Variants in VSX2 observed in about 807,000 individuals in gnomAD.
VSX2 encodes the protein ceh-10 homeo domain containing homolog.
Under a neutral mutation model 32.1 loss-of-function variants are expected in VSX2, and 28 were observed. The observed-to-expected ratio is 0.87, with a 90% CI of 0.65 to 1.20. VSX2 has a LOEUF of 1.20. VSX2 is among the 50% of genes most tolerant of loss of function. The pLI, the probability that VSX2 is intolerant of heterozygous loss-of-function variation, is 0.00. For missense variants in VSX2, 506 were observed against 488.7 expected, an observed-to-expected ratio of 1.04 and a Z score of -0.33; for synonymous variants, 243 against 214.1, an observed-to-expected ratio of 1.14 and a Z score of -1.18.
In VSX2 at chr14:74,239,537, C is replaced by T; in HGVS notation, c.-25C>T. The T allele has an allele frequency of 6.4e-7, 1 of 1,550,574 alleles. No individual in the cohort carries two copies. The highest frequency in any genetic ancestry group is 8.7e-7 in the Non-Finnish European group (1 of 1,146,936). ...GTGGGGGGAGCTAAAGACCTGCGGC[C>T]TCAGCCCCTCCAAAGAACAGGGAGA... On this transcript the variant is annotated 5_prime_UTR_variant, in exon 1 of 5. Transcript: ENST00000261980.
At chr14:74,252,925 T>C (rs1334331473) in intron 3 of VSX2, among the ~76,000 whole-genome samples, 2 of 151,390 alleles carry the variant, frequency 1.3e-5, no homozygotes, top group East Asian at 3.9e-4. Context: ...GGCGGGTGCC[T>C]GTAATCCCAG....
Position 74,248,747 on chromosome 14 carries a change from G to T in VSX2, c.579+3459G>T, listed in dbSNP as rs972979599. On this transcript the variant is annotated intron_variant, in intron 3 of 4. Transcript: ENST00000261980. ...AGAAATTATCAAGTTGGAATGGAAAGGTTATTGAACTGGAGATCAGGAACC... is the reference window on the plus strand; with the variant it reads ...AGAAATTATCAAGTTGGAATGGAAATGTTATTGAACTGGAGATCAGGAACC... Among the ~76,000 whole-genome samples, 3 of 151,660 alleles carry T rather than the reference G, an allele frequency of 2.0e-5. No homozygotes were observed. In the South Asian group the frequency reaches 6.3e-4, roughly 32 times the overall value.
At chr14:74,240,152 A>G (rs1340368330) in intron 1 of VSX2, among the ~76,000 whole-genome samples, 1 of 152,130 alleles carries the variant, frequency 6.6e-6, no homozygotes, top group Non-Finnish European at 1.5e-5. Flanking sequence ...GCGGCCGCGC[A>G]GTTCTCCAGT....
Position 74,260,174 on chromosome 14 carries a change from A to T in VSX2, c.760+392A>T, listed in dbSNP as rs576111195. 1.3e-4 allele frequency among the ~76,000 whole-genome samples: 20 copies of T among 152,306 alleles called. No homozygotes were observed. In the East Asian group the frequency reaches 3.9e-3, roughly 29 times the overall value. Reference sequence around the variant, plus strand: ...GGTCCCTCTGGCTGCCATTCTGCTTAGCCCAAAGGACTTCTGTCCCCCAAA... The same window carrying T: ...GGTCCCTCTGGCTGCCATTCTGCTTTGCCCAAAGGACTTCTGTCCCCCAAA... On this transcript the variant is annotated intron_variant, in intron 4 of 4. Coordinates refer to ENST00000261980, the MANE Select transcript of VSX2 (RefSeq NM_182894.3).
At chr14:74,240,245 CAG>C (rs2079140395) in intron 1 of VSX2, among the ~76,000 whole-genome samples, 1 of 152,168 alleles carries the variant, frequency 6.6e-6, no homozygotes, top group African/African-American at 2.4e-5. Context: ...GCCCGTGGTG[CAG>C]AGTCGCCGGC....
chr14:74,241,504 T>A (rs2079150179), intron 2 of VSX2, among the ~76,000 whole-genome samples: 1 of 152,200 alleles, frequency 6.6e-6, no homozygotes, highest in Non-Finnish European at 1.5e-5. Flanking sequence ...TTCTCCTCCT[T>A]GTTCAGGAGA....
At chr14:74,240,824 C>T (rs544416968) in intron 1 of VSX2, among the ~76,000 whole-genome samples, 20 of 152,280 alleles carry the variant, frequency 1.3e-4, no homozygotes, top group Admixed American at 8.5e-4. Context: ...ACTTTCCGGC[C>T]CGGGGCATTG....
chr14:74,240,908 C>A (rs916526566), intron 1 of VSX2, among the ~76,000 whole-genome samples: 4 of 152,182 alleles, frequency 2.6e-5, no homozygotes, highest in African/African-American at 9.6e-5. Context: ...CCTAAGGCTG[C>A]CTCGCTCTCC....
intron 3 of VSX2, among the ~76,000 whole-genome samples, chr14:74,248,334 TAAA>T (rs781035795): frequency 2.4e-5 from 2 of 84,752 alleles, no homozygotes; most frequent in African/African-American, 4.7e-5. Flanking sequence ...GAGACCAGGC[TAAA>T]AAAAAAAAAA....
chr14:74,248,505 A>G (rs1185696920), intron 3 of VSX2, among the ~76,000 whole-genome samples: 1 of 151,800 alleles, frequency 6.6e-6, no homozygotes, highest in African/African-American at 2.4e-5. Flanking sequence ...TGGACAACAT[A>G]GTGAAATCCC....
intron 2 of VSX2, among the ~76,000 whole-genome samples, chr14:74,242,287 T>G (rs892533177): frequency 2.0e-5 from 3 of 152,122 alleles, no homozygotes; most frequent in Admixed American, 6.5e-5. Context: ...TTCAAGACAT[T>G]TCTCCACTAG....
At chr14:74,244,268 G>C (rs1216585526) in intron 2 of VSX2, among the ~76,000 whole-genome samples, 1 of 152,154 alleles carries the variant, frequency 6.6e-6, no homozygotes, top group Non-Finnish European at 1.5e-5. Flanking sequence ...GTTGGGGGTG[G>C]GGAACTGTGC....
intron 2 of VSX2, among the ~76,000 whole-genome samples, chr14:74,241,928 C>T (rs1213525572): frequency 6.6e-6 from 1 of 152,152 alleles, no homozygotes; most frequent in Non-Finnish European, 1.5e-5. Context: ...CATCGGGGTA[C>T]AGACTAGAAA....
chr14:74,239,866 G>A lies in VSX2; in HGVS notation c.305G>A (p.Ser102Asn), dbSNP rs774818847. 6.3e-7 allele frequency: 1 copy of A among 1,576,644 alleles called. No individual in the cohort carries two copies. The highest frequency in any genetic ancestry group is 8.6e-7 in the Non-Finnish European group (1 of 1,162,410). The change falls in exon 1 of 5, where the codon AGC (serine) becomes AAC (asparagine). Residue 102 changes from serine (S) to asparagine (N), a missense_variant. By Grantham distance (46) the Ser-to-Asn change is conservative (BLOSUM62 1). Coordinates refer to ENST00000261980, the MANE Select transcript of VSX2 (RefSeq NM_182894.3). ...CTGGAAGTGCTGTCCGACCCGCAGA[G>A]CGTCCACTTGCAGCCATTGGGCAGA... Reference protein sequence around the residue: ...TFLEVLSDPQSVHLQPLGRAS... With the variant: ...TFLEVLSDPQNVHLQPLGRAS...
chr14:74,249,221 C>T (rs753621308), intron 3 of VSX2, among the ~76,000 whole-genome samples: 4 of 152,164 alleles, frequency 2.6e-5, no homozygotes, highest in African/African-American at 4.8e-5. Context: ...TTATTAAGTA[C>T]TCACCATTGT....
At chr14:74,260,140 G>A (rs1352127653) in intron 4 of VSX2, among the ~76,000 whole-genome samples, 1 of 152,186 alleles carries the variant, frequency 6.6e-6, no homozygotes, top group Non-Finnish European at 1.5e-5. Flanking sequence ...GGGGTTGAGA[G>A]AACCCCTAGG....
rs1380726738 is a variant in VSX2, at chr14:74,239,591, C to T, written c.30C>T (p.Ser10=). The T allele has an allele frequency of 2.6e-6, 4 of 1,551,278 alleles. No homozygotes were observed. The African/African-American group carries it at 5.5e-5, about 21-fold the overall frequency. The change falls in exon 1 of 5, where the codon AGC becomes AGT. Residue 10 remains serine, a synonymous_variant. Coordinates refer to ENST00000261980, the MANE Select transcript of VSX2 (RefSeq NM_182894.3). The stretch of plus-strand genomic sequence containing the variant: ...CGGGGAAAGCAGGGGAAGCGCTGAG[C>T]AAGCCCAAATCCGAGACAGTGGCCA... MTGKAGEAL[S]KPKSETVAKS...
chr14:74,245,151 C>G lies in VSX2; in HGVS notation c.456-14C>G. 1 of 1,613,526 alleles carries G rather than the reference C, an allele frequency of 6.2e-7. No individual in the cohort carries two copies. Among genetic ancestry groups the G allele is most frequent in the Middle Eastern group, 1.6e-4 (1 of 6,062 alleles). On this transcript the variant is annotated splice_polypyrimidine_tract_variant and intron_variant, in intron 2 of 4. Transcript: ENST00000261980. ...GTTTCTGGGGTCCTGAGTGTTCGGT[C>G]TTGCTCCCCTCAGGACAATCTTTAC...
intron 2 of VSX2, among the ~76,000 whole-genome samples, chr14:74,243,223 G>C (rs535492259): frequency 1.3e-5 from 2 of 152,200 alleles, no homozygotes; most frequent in African/African-American, 2.4e-5. Flanking sequence ...ACTTAAAAGC[G>C]TTTGGGGGGT....
Sources: allele counts gnomAD v4.1 joint callset (sites outside exome capture counted in the v4.1 genomes callset), GRCh38; gene constraint gnomAD v4.1.1; transcripts MANE v1.5; gene names NCBI Gene and HGNC (gene_info 2026-07-23, HGNC 2026-07-21).